Variants in TPM1 observed in about 807,000 individuals in gnomAD.
TPM1 encodes the protein tropomyosin alpha-1 chain.
In TPM1, 24 loss-of-function variants were observed where a neutral mutation model predicts 42.9. The ratio of observed to expected loss-of-function variants is 0.56; its 90% CI spans 0.41 to 0.79. The LOEUF is 0.79. Ranked by LOEUF, TPM1 falls within the 30% of genes least tolerant of loss-of-function variation. TPM1 has a pLI of 0.00. For synonymous variants in TPM1, 136 were observed against 130.1 expected (o/e 1.05, Z -0.31); for missense variants, 158 against 351.8 (o/e 0.45, Z 4.41).
chr15:63,060,525 T>A (rs1416950973), intron 4 of TPM1, among the ~76,000 whole-genome samples: 1 of 152,208 alleles, frequency 6.6e-6, no homozygotes, highest in Non-Finnish European at 1.5e-5. Context: ...AGCCCCCACC[T>A]TTTTAGTACA....
chr15:63,057,531 A>T (rs2034997430), intron 3 of TPM1, among the ~76,000 whole-genome samples: 2 of 152,220 alleles, frequency 1.3e-5, no homozygotes, highest in South Asian at 4.1e-4. Flanking sequence ...GGAACTGTGG[A>T]CTATCAGTTG....
chr15:63,064,954 G>C (rs932995622), intron 9 of TPM1: 1 of 966,424 alleles, frequency 1.0e-6, no homozygotes, highest in Non-Finnish European at 1.2e-6. Flanking sequence ...ACGACAGAGC[G>C]AGACTCTGTC....
intron 2 of TPM1, chr15:63,044,368 ACCTC>A (rs1364556462): frequency 1.4e-6 from 1 of 722,576 alleles, no homozygotes; most frequent in African/African-American, 1.8e-5. Context: ...CCTTTCCTTT[ACCTC>A]CCTGGGGGTG....
chr15:63,043,924 C>T (rs2031811734), intron 1 of TPM1, 103 bp from the exon 2 acceptor site: 22 of 1,555,740 alleles, frequency 1.4e-5, no homozygotes, highest in Non-Finnish European at 1.7e-5. Flanking sequence ...GTCTCTCCCG[C>T]TGTCCCTGTC....
chr15:63,062,609 G>A lies in TPM1; in HGVS notation c.736G>A (p.Val246Ile), dbSNP rs1596386599. The stretch of plus-strand genomic sequence containing the variant: ...TCGGGCTGAGTTTGCGGAGAGGTCA[G>A]TAACTAAATTGGAGAAAAGCATTGA... Reference protein sequence around the residue: ...ETRAEFAERSVTKLEKSIDDL... With the variant: ...ETRAEFAERSITKLEKSIDDL... The change falls in exon 8 of 10, where the codon GTA becomes ATA. Residue 246 changes from valine (V) to isoleucine (I), a missense_variant. Coordinates refer to ENST00000403994, the MANE Select transcript of TPM1 (RefSeq NM_001018005.2). 3 of 1,614,242 alleles carry A rather than the reference G, an allele frequency of 1.9e-6. No individual in the cohort carries two copies. Among genetic ancestry groups the A allele is most frequent in the Non-Finnish European group, 2.5e-6 (3 of 1,180,044 alleles).
chr15:63,050,458 A>G (rs966987686), intron 2 of TPM1, among the ~76,000 whole-genome samples: 6 of 152,336 alleles, frequency 3.9e-5, no homozygotes, highest in African/African-American at 1.2e-4. Context: ...CTCCTGGCCT[A>G]GTGATTGATG....
chr15:63,043,298 G>C (rs1002522974), intron 1 of TPM1: 58 of 520,156 alleles, frequency 1.1e-4, no homozygotes, highest in Non-Finnish European at 1.8e-4. Flanking sequence ...AGGGGGTCGA[G>C]TAACTCAAGT....
intron 2 of TPM1, chr15:63,048,213 G>A (rs751368102): frequency 1.3e-5 from 6 of 467,204 alleles, no homozygotes; most frequent in South Asian, 9.3e-5. Flanking sequence ...GGCCCTAGAA[G>A]TGGAAGCCAG....
At chr15:63,063,904 C>T (rs1374042925) in intron 8 of TPM1, 160 bp from the exon 9 acceptor site, 7 of 909,172 alleles carry the variant, frequency 7.7e-6, no homozygotes, top group African/African-American at 3.4e-5. Context: ...ACAAAACGCA[C>T]GCCTCCTGCA....
intron 2 of TPM1, chr15:63,048,457 A>C: frequency 2.2e-6 from 3 of 1,362,122 alleles, no homozygotes; most frequent in Non-Finnish European, 2.8e-6. Context: ...CATCGCACAG[A>C]GAGGCCTGGG....
At chr15:63,048,447 C>T (rs948691261) in intron 2 of TPM1, 32 of 1,356,060 alleles carry the variant, frequency 2.4e-5, no homozygotes, top group Non-Finnish European at 2.7e-5. Flanking sequence ...GGGGCGCCGC[C>T]ATCGCACAGA....
At chr15:63,059,421 T>G in intron 3 of TPM1, 142 bp from the exon 4 acceptor site, 1 of 632,030 alleles carries the variant, frequency 1.6e-6, no homozygotes, top group Non-Finnish European at 2.9e-6. Context: ...AATTGTTGTT[T>G]CCTGGTTTGG....
chr15:63,048,801 G>A (rs775869802), intron 2 of TPM1: 6 of 1,478,088 alleles, frequency 4.1e-6, no homozygotes, highest in Non-Finnish European at 5.4e-6. Context: ...CGCAGGCCCC[G>A]GTCCCTCGTC....
exon 9 of TPM1, chr15:63,071,191 C>T (rs1566977483): frequency 7.3e-7 from 1 of 1,369,772 alleles, no homozygotes. Context: ...TTAGCTGCGA[C>T]CACATTCTTT....
chr15:63,047,365 T>C (rs1392516357), intron 2 of TPM1: 1 of 152,276 alleles, frequency 6.6e-6, no homozygotes, highest in African/African-American at 2.4e-5. Context: ...AAGAGCTTTC[T>C]GTGACAAACC....
At chr15:63,052,161 A>G (rs1417396578) in intron 2 of TPM1, among the ~76,000 whole-genome samples, 1 of 152,144 alleles carries the variant, frequency 6.6e-6, no homozygotes, top group African/African-American at 2.4e-5. Flanking sequence ...GCACTTTTGA[A>G]ATAAAAGAAA....
intron 1 of TPM1, chr15:63,043,421 A>G (rs1388310482): frequency 1.6e-6 from 1 of 638,544 alleles, no homozygotes; most frequent in South Asian, 1.5e-5. Flanking sequence ...TGGAGGCTAC[A>G]GCCCGAAAGC....
chr15:63,044,000 T>C (rs1291120916), intron 1 of TPM1, 27 bp from the exon 2 acceptor site: 4 of 1,582,820 alleles, frequency 2.5e-6, no homozygotes, highest in Non-Finnish European at 3.5e-6. Context: ...CCCCCCTCCC[T>C]CCCTGTACCC....
At chr15:63,061,818 G>A (rs767494748) in intron 6 of TPM1, 30 bp downstream of exon 6, 2 of 1,605,712 alleles carry the variant, frequency 1.2e-6, no homozygotes, top group South Asian at 1.1e-5. Flanking sequence ...TGGGGGAAAG[G>A]CATCTTTTAA....
Sources: gnomAD v4.1 joint callset for allele counts (sites outside exome capture counted in the v4.1 genomes callset) on GRCh38, gnomAD v4.1.1 for gene constraint, MANE v1.5 for transcripts, NCBI Gene and HGNC (gene_info 2026-07-23, HGNC 2026-07-21) for gene names.